Variants in EYS observed in about 807,000 individuals in gnomAD.
EYS encodes the protein protein eyes shut homolog.
Under a neutral mutation model 282.1 loss-of-function variants are expected in EYS, and 250 were observed. The observed-to-expected ratio is 0.89, with a 90% CI of 0.80 to 0.98. The LOEUF is 0.98. EYS is among the 50% of genes least tolerant of loss of function. The pLI is 0.00. For synonymous variants in EYS, 1,355 were observed against 1,282.9 expected (o/e 1.06, Z -1.20); for missense variants, 4,016 against 3,709.0 (o/e 1.08, Z -2.15).
intron 22 of EYS, among the ~76,000 whole-genome samples, chr6:64,673,340 C>T (rs982147458): frequency 6.6e-6 from 1 of 152,060 alleles, no homozygotes; most frequent in Non-Finnish European, 1.5e-5. Context: ...ATAGGGACAG[C>T]ACAGTATAAT....
At chr6:64,347,870 C>T (rs1025342306) in intron 29 of EYS, among the ~76,000 whole-genome samples, 7 of 151,260 alleles carry the variant, frequency 4.6e-5, no homozygotes, top group African/African-American at 7.3e-5. Flanking sequence ...TGTAAACTTT[C>T]GGCCTCAACA....
chr6:65,199,072 G>A (rs550281721), intron 12 of EYS, among the ~76,000 whole-genome samples: 7 of 152,112 alleles, frequency 4.6e-5, no homozygotes, highest in African/African-American at 7.2e-5. Flanking sequence ...CAGTAGTCCC[G>A]TCAAGTAAAC....
At chr6:65,233,312 C>T (rs755136925) in intron 12 of EYS, among the ~76,000 whole-genome samples, 29 of 152,092 alleles carry the variant, frequency 1.9e-4, no homozygotes, top group Non-Finnish European at 1.2e-4. Context: ...ACATTACCCA[C>T]CCCTCCATCT....
intron 36 of EYS, among the ~76,000 whole-genome samples, chr6:63,840,626 C>A (rs1215317720): frequency 6.6e-6 from 1 of 152,072 alleles, no homozygotes; most frequent in African/African-American, 2.4e-5. Flanking sequence ...CTAATGTCTT[C>A]AAGAATTCAT....
chr6:64,077,813 TGTG>T (rs1483110985), intron 32 of EYS, among the ~76,000 whole-genome samples: 1 of 152,034 alleles, frequency 6.6e-6, no homozygotes, highest in Non-Finnish European at 1.5e-5. Flanking sequence ...AAGAATTTTG[TGTG>T]GTCTCATCCC....
chr6:64,766,644 AAAAAAATATATATATAT>A (rs1485607949), intron 22 of EYS, among the ~76,000 whole-genome samples: 19 of 27,128 alleles, frequency 7.0e-4, no homozygotes, highest in Middle Eastern at 0.015. Flanking sequence ...AAAAAAAAAA[AAAAAAATATATATATAT>A]ATATATATAT....
intron 33 of EYS, among the ~76,000 whole-genome samples, chr6:64,006,007 A>G (rs967175309): frequency 7.2e-5 from 11 of 152,186 alleles, no homozygotes; most frequent in African/African-American, 2.7e-4. Flanking sequence ...TCTGTGAAGA[A>G]TGTCATTTGT....
chr6:64,114,403 C>T (rs1379379752), intron 31 of EYS, among the ~76,000 whole-genome samples: 1 of 152,110 alleles, frequency 6.6e-6, no homozygotes, highest in Non-Finnish European at 1.5e-5. Context: ...GTAGAAGACT[C>T]CAGGCTTCAT....
intron 2 of EYS, among the ~76,000 whole-genome samples, chr6:65,635,274 C>T (rs1767045459): frequency 6.6e-6 from 1 of 152,164 alleles, no homozygotes; most frequent in Non-Finnish European, 1.5e-5. Context: ...CTTTTCCCAT[C>T]TCTATAGCCA....
intron 2 of EYS, among the ~76,000 whole-genome samples, chr6:65,566,423 T>C (rs1350754572): frequency 6.6e-6 from 1 of 152,132 alleles, no homozygotes; most frequent in Non-Finnish European, 1.5e-5. Context: ...AACAATTCTT[T>C]AAGAGCCTTG....
At chr6:64,165,044 T>C (rs1004289168) in intron 31 of EYS, among the ~76,000 whole-genome samples, 7 of 152,016 alleles carry the variant, frequency 4.6e-5, no homozygotes, top group Admixed American at 1.3e-4. Context: ...TGCACATTTC[T>C]AGTAAAAATG....
rs556597331 is a variant in EYS at position 65,419,449 on chromosome 6, C to CA, written c.863-14083dup. 4.3e-3 allele frequency among the ~76,000 whole-genome samples: 651 copies of CA among 150,386 alleles called. 4 individuals are homozygous for CA. The highest frequency in any genetic ancestry group is 0.012 in the African/African-American group (480 of 41,120). Reference sequence around the variant, plus strand: ...ACACCAATAACAAAATATAATTTATCAAAAAAAAATCAGAGAATTAACCTC... The same window carrying CA: ...ACACCAATAACAAAATATAATTTATCAAAAAAAAAATCAGAGAATTAACCTC... On this transcript the variant is annotated intron_variant, in intron 5 of 42. Transcript: ENST00000503581.
chr6:65,040,138 C>A (rs1772890716), intron 13 of EYS, among the ~76,000 whole-genome samples: 1 of 151,654 alleles, frequency 6.6e-6, no homozygotes. Context: ...AAGATGTATA[C>A]AGAATCCCTG....
rs1468020897 is a variant in EYS at position 65,495,178 on chromosome 6, CA to C, written c.232del (p.Cys78AlafsTer7). On this transcript the variant is annotated frameshift_variant, in exon 4 of 43. Transcript: ENST00000503581. LOFTEE classifies it high-confidence loss of function. The part of the protein sequence containing the change: ...TSGNQAVPQI[C>X]PLQIQLGDIL... ...ATCTCCTAATTGAATTTGCAAAGGG[CA>C]AATCTGGGGAACAGCTTGATTGCCT... 7.4e-6 allele frequency: 12 copies of C among 1,613,910 alleles called. No individual in the cohort carries two copies. Among genetic ancestry groups the C allele is most frequent in the Non-Finnish European group, 1.0e-5 (12 of 1,179,932 alleles).
chr6:65,301,388 G>C lies in EYS; in HGVS notation c.1767-5269C>G, dbSNP rs1407483330. Among the ~76,000 whole-genome samples, 5 of 152,328 alleles carry C rather than the reference G, an allele frequency of 3.3e-5. No individual in the cohort carries two copies. The East Asian group carries it at 9.7e-4, about 29-fold the overall frequency. Reference sequence around the variant, plus strand: ...CGTCATAGAGGAACTACACCTTCCAGAACCCTCGCGCCCTGCGTCGTGCTG... The same window carrying C: ...CGTCATAGAGGAACTACACCTTCCACAACCCTCGCGCCCTGCGTCGTGCTG... On this transcript the variant is annotated intron_variant, in intron 11 of 42. Transcript: ENST00000503581.
intron 22 of EYS, among the ~76,000 whole-genome samples, chr6:64,774,221 G>A (rs1053933782): frequency 6.6e-6 from 1 of 151,932 alleles, no homozygotes; most frequent in Admixed American, 6.6e-5. Context: ...TTTGGGGAGA[G>A]ATTGGGGAAA....
At chr6:64,467,698 T>C (rs1775970689) in intron 26 of EYS, among the ~76,000 whole-genome samples, 1 of 152,062 alleles carries the variant, frequency 6.6e-6, no homozygotes, top group Non-Finnish European at 1.5e-5. Flanking sequence ...TGTACATTAC[T>C]GGGGACCTAG....
chr6:64,657,846 T>C (rs1768811920), intron 22 of EYS, among the ~76,000 whole-genome samples: 2 of 152,278 alleles, frequency 1.3e-5, no homozygotes, highest in Middle Eastern at 3.4e-3. Context: ...GAGTTGCTCT[T>C]CTCGAGGAGT....
At chr6:64,165,137 T>C (rs990276128) in intron 31 of EYS, among the ~76,000 whole-genome samples, 1 of 152,098 alleles carries the variant, frequency 6.6e-6, no homozygotes, top group African/African-American at 2.4e-5. Flanking sequence ...ACATATCAAA[T>C]ATGTGTAGTT....
Sources: gnomAD v4.1 joint callset for allele counts (sites outside exome capture counted in the v4.1 genomes callset) on GRCh38, gnomAD v4.1.1 for gene constraint, MANE v1.5 for transcripts, NCBI Gene and HGNC (gene_info 2026-07-23, HGNC 2026-07-21) for gene names.